Variants in ALDOA observed in about 807,000 individuals in gnomAD.
ALDOA encodes the protein fructose-bisphosphate aldolase A.
Under a neutral mutation model 43.9 loss-of-function variants are expected in ALDOA, and 26 were observed. That is an observed-to-expected ratio of 0.59 (90% CI 0.43 to 0.82). The LOEUF (loss-of-function observed/expected upper bound fraction) is 0.82, where lower values mean the gene tolerates loss of function less well. Among genes scored for constraint, ALDOA ranks in the 40% least tolerant of loss-of-function variants. ALDOA has a pLI of 0.00. For synonymous variants in ALDOA, 258 were observed against 222.6 expected, an observed-to-expected ratio of 1.16 and a Z score of -1.42; for missense variants, 498 against 549.5, an observed-to-expected ratio of 0.91 and a Z score of 0.94.
chr16:30,070,147 A>G lies in ALDOA; in HGVS notation c.1192A>G (p.Thr398Ala), dbSNP rs776994056. 1 of 1,613,800 alleles carries G rather than the reference A, an allele frequency of 6.2e-7. No homozygotes were observed. Among genetic ancestry groups the G allele is most frequent in the Admixed American group, 1.7e-5 (1 of 59,982 alleles). Residue 398 changes from threonine (T) to alanine (A), a missense_variant, in exon 10 of 10, where the codon ACT (threonine) becomes GCT (alanine). Physicochemically the swap from Thr to Ala is moderately conservative, Grantham distance 58. Transcript: ENST00000642816. ...ANSLACQGKY[T>A]PSGQAGAAAS... ...CAGCCTTGCCTGTCAAGGAAAGTAC[A>G]CTCCGAGCGGTCAGGCTGGGGCTGC...
chr16:30,069,740 T>G, intron 8 of ALDOA, 67 bp downstream of exon 8: 1 of 1,611,876 alleles, frequency 6.2e-7, no homozygotes. Context: ...TATGCCCATT[T>G]GGACGGATTT....
intron 6 of ALDOA, 66 bp from the exon 7 acceptor site, chr16:30,069,240 G>C: frequency 6.5e-7 from 1 of 1,546,376 alleles, no homozygotes; most frequent in South Asian, 1.1e-5. Flanking sequence ...ACCAGTGGCT[G>C]TGGAGAGATG....
At chr16:30,066,116 C>A (rs1013809393) in intron 1 of ALDOA, 189 bp downstream of exon 1, 1 of 152,660 alleles carries the variant, frequency 6.6e-6, no homozygotes, top group Non-Finnish European at 1.5e-5. Flanking sequence ...CGGCTGCGCG[C>A]GCTGAGTCAT....
At position 30,067,057 on chromosome 16, in the gene ALDOA, C is replaced by T; in HGVS notation, c.141+19C>T. 5 of 1,575,242 alleles carry T rather than the reference C, an allele frequency of 3.2e-6. No individual in the cohort carries two copies. The highest frequency in any genetic ancestry group is 1.2e-5 in the South Asian group (1 of 86,260). ...AGGAAAGGTACAGGGGCAGGCCTAG[C>T]AAAGGGAAGTTGGGCGTAAGAGAGA... is the stretch of plus-strand genomic sequence containing the variant. On this transcript the variant is annotated intron_variant, in intron 2 of 9. Transcript: ENST00000642816.
intron 1 of ALDOA, 66 bp from the exon 2 acceptor site, chr16:30,066,819 G>A: frequency 6.7e-7 from 1 of 1,495,254 alleles, no homozygotes; most frequent in African/African-American, 1.4e-5. Context: ...CCACGAGGGT[G>A]TTGGGCCCTC....
At chr16:30,065,577 T>A (rs1385248647), upstream of ALDOA, 1 of 150,370 alleles carries the variant, frequency 6.7e-6, no homozygotes, top group African/African-American at 2.5e-5. Flanking sequence ...CCGAGGGGGG[T>A]GGGGAGGGAT....
chr16:30,068,793 C>T lies in ALDOA; in HGVS notation c.542-25C>T, dbSNP rs762473834. ...AAACCACATGCCCCTCCCCACCGTG[C>T]TCTGACCCCTTCCTCTTCTCTTAGG... is the stretch of plus-strand genomic sequence containing the variant. On this transcript the variant is annotated intron_variant, in intron 5 of 9. Coordinates refer to ENST00000642816, the MANE Select transcript of ALDOA (RefSeq NM_001243177.4). 3.1e-6 allele frequency: 5 copies of T among 1,614,234 alleles called. No homozygotes were observed. In the Admixed American group the frequency reaches 8.3e-5, roughly 27 times the overall value.
rs754143271 is a variant in ALDOA, at chr16:30,066,998, C to G, written c.101C>G (p.Pro34Arg). The G allele has an allele frequency of 2.7e-5, 43 of 1,564,442 alleles. 1 individual carries two copies. The highest frequency in any genetic ancestry group is 3.3e-5 in the Non-Finnish European group (38 of 1,155,408). ...FPPVASGQLH[P>R]QLGNTQHQTE... is the part of the protein sequence containing the mutation. ...CCAGTTGCCAGTGGGCAACTCCACC[C>G]TCAGCTGGGCAACACCCAGCACCAG... Residue 34 changes from proline (P) to arginine (R), a missense_variant, in exon 2 of 10, where the codon CCT (proline) becomes CGT (arginine). By Grantham distance (103) the Pro-to-Arg change is moderately radical. Coordinates refer to ENST00000642816, the MANE Select transcript of ALDOA (RefSeq NM_001243177.4).
intron 5 of ALDOA, 31 bp from the exon 6 acceptor site, chr16:30,068,785 CCA>C: frequency 6.2e-7 from 1 of 1,614,220 alleles, no homozygotes; most frequent in South Asian, 1.1e-5. Flanking sequence ...ATGCCCCTCC[CCA>C]CCGTGCTCTG....
At chr16:30,066,732 G>A (rs1176299657) in intron 1 of ALDOA, among the ~76,000 whole-genome samples, 153 bp from the exon 2 acceptor site, 1 of 152,206 alleles carries the variant, frequency 6.6e-6, no homozygotes, top group Non-Finnish European at 1.5e-5. Flanking sequence ...CAGAAGAGCT[G>A]GGTTCTAATC....
Position 30,067,514 on chromosome 16 carries a change from C to T in ALDOA, c.339C>T (p.Tyr113=). Residue 113 remains tyrosine (Y), a synonymous_variant, in exon 4 of 10, where the codon TAC becomes TAT. Transcript: ENST00000642816. ...TENTEENRRF[Y]RQLLLTADDR... ...ACACCGAGGAGAACCGGCGCTTCTA[C>T]CGCCAGCTGCTGCTGACAGCTGACG... is the stretch of plus-strand genomic sequence containing the variant. 1 of 1,613,798 alleles carries T rather than the reference C, an allele frequency of 6.2e-7. No individual in the cohort carries two copies.
At chr16:30,068,006 A>G (rs1160925894) in intron 4 of ALDOA, 1 of 314,840 alleles carries the variant, frequency 3.2e-6, no homozygotes. Context: ...GAACTAAGTG[A>G]AAATATTTTA....
At chr16:30,066,845 C>T in intron 1 of ALDOA, 40 bp from the exon 2 acceptor site, 6 of 1,532,012 alleles carry the variant, frequency 3.9e-6, no homozygotes, top group East Asian at 2.5e-5. Flanking sequence ...GATTCACGAT[C>T]TTTACATTCT....
At position 30,066,903 on chromosome 16, in the gene ALDOA, A is replaced by C. The variant is rs1367664258; in HGVS notation, c.6A>C (p.Ala2=). 2 of 1,549,894 alleles carry C rather than the reference A, an allele frequency of 1.3e-6. No homozygotes were observed. Among genetic ancestry groups the C allele is most frequent in the Admixed American group, 3.9e-5 (2 of 50,900 alleles). Residue 2 remains alanine, a synonymous_variant, in exon 2 of 10, where the codon GCA becomes GCC. Coordinates refer to ENST00000642816, the MANE Select transcript of ALDOA (RefSeq NM_001243177.4). The part of the protein sequence containing the change: M[A]RRKPEGSSFN... The stretch of plus-strand genomic sequence containing the variant: ...TTTTCAGGCAAGGTGACCCCATGGC[A>C]AGGCGCAAGCCAGAAGGGTCCAGCT...
At position 30,070,293 on chromosome 16, in the gene ALDOA, C is replaced by T; in HGVS notation, c.*81C>T. ...TGAAGAGGAGGCCGCCTCCTCGGGG[C>T]TCCAGGCTGGCTTGCCCGCGCTCTT... On this transcript the variant is annotated 3_prime_UTR_variant, in exon 10 of 10. Coordinates refer to ENST00000642816, the MANE Select transcript of ALDOA (RefSeq NM_001243177.4). 5.6e-6 allele frequency: 8 copies of T among 1,422,158 alleles called. No individual in the cohort carries two copies. The highest frequency in any genetic ancestry group is 7.9e-6 in the Non-Finnish European group (8 of 1,008,308). 88.1% of individuals were successfully genotyped at this position (1,422,158 alleles called of 1,614,324 possible). A position where few individuals can be genotyped will look rare whatever the true frequency, so the allele number is the denominator to read the frequency against.
At chr16:30,067,812 T>TAAGTGAA in intron 4 of ALDOA, 151 bp downstream of exon 4, 1 of 832,130 alleles carries the variant, frequency 1.2e-6, no homozygotes, top group Non-Finnish European at 2.0e-6. Context: ...ACATTTTTAA[T>TAAGTGAA]CCTCACAATT....
upstream of ALDOA, chr16:30,064,431 G>A (rs2072034372): frequency 2.5e-6 from 1 of 398,670 alleles, no homozygotes; most frequent in East Asian, 3.6e-5. Context: ...CAGGTCCCTG[G>A]CCAAAGATTT....
chr16:30,065,026 C>T (rs1203861751), upstream of ALDOA, among the ~76,000 whole-genome samples: 1 of 152,360 alleles, frequency 6.6e-6, no homozygotes, highest in African/African-American at 2.4e-5. Context: ...GGTGCATAGC[C>T]GCGCATTCTG....
chr16:30,066,151 TGAA>T (rs2072094356), intron 1 of ALDOA: 1 of 152,310 alleles, frequency 6.6e-6, no homozygotes, highest in Non-Finnish European at 1.5e-5. Context: ...CCGGACGAGA[TGAA>T]GGACCATTCT....
Sources: allele counts gnomAD v4.1 joint callset (sites outside exome capture counted in the v4.1 genomes callset), GRCh38; gene constraint gnomAD v4.1.1; transcripts MANE v1.5; gene names NCBI Gene and HGNC (gene_info 2026-07-23, HGNC 2026-07-21).